Variants in INSR observed in about 807,000 individuals in gnomAD.
The protein encoded by INSR is insulin receptor, also known as IR.
In INSR, 67 loss-of-function variants were observed where a neutral mutation model predicts 142.6. The ratio of observed to expected loss-of-function variants is 0.47; its 90% CI spans 0.39 to 0.58. INSR has a LOEUF of 0.58. Ranked by LOEUF, INSR falls within the 20% of genes least tolerant of loss-of-function variation. The probability of loss-of-function intolerance (pLI) is 0.00; values close to 1 mark genes in which losing one functional copy is unlikely to be tolerated. For synonymous variants in INSR, 756 were observed against 743.1 expected, an observed-to-expected ratio of 1.02 and a Z score of -0.28; for missense variants, 1,248 against 1,833.2, an observed-to-expected ratio of 0.68 and a Z score of 5.83.
At chr19:7,189,734 G>A (rs1020298739) in intron 2 of INSR, among the ~76,000 whole-genome samples, 7 of 148,884 alleles carry the variant, frequency 4.7e-5, no homozygotes, top group East Asian at 2.0e-4. Flanking sequence ...TGCCATCTCC[G>A]CTCACTGTAA....
chr19:7,293,804 A>G lies in INSR; in HGVS notation c.88T>C (p.Tyr30His), dbSNP rs1600141148. 1.5e-6 allele frequency: 2 copies of G among 1,355,624 alleles called. No homozygotes were observed. The highest frequency in any genetic ancestry group is 2.6e-5 in the Admixed American group (1 of 37,940). The allele number at this position is 1,355,624 out of a possible 1,614,324, so 84.0% of individuals were successfully genotyped here. A position where few individuals can be genotyped will look rare whatever the true frequency, so the allele number is the denominator to read the frequency against. Residue 30 changes from tyrosine to histidine, a missense_variant, in exon 1 of 22, where the codon TAC becomes CAC. Transcript: ENST00000302850. ...ALLLGAAGHL[Y>H]PGEVCPGMDI... is the part of the protein sequence containing the mutation. ...CCCCCAGACTCACCCTCTCCGGGGT[A>G]CAGGTGGCCCGCGGCGCCCAGTAGC...
chr19:7,148,477 C>CTTTTTTTTTTTTTTTTT lies in INSR; in HGVS notation c.2267+2003_2267+2019dup, dbSNP rs71177160. 5.3e-5 allele frequency among the ~76,000 whole-genome samples: 5 copies of CTTTTTTTTTTTTTTTTT among 95,046 alleles called. 1 individual carries two copies. Among genetic ancestry groups the CTTTTTTTTTTTTTTTTT allele is most frequent in the Non-Finnish European group, 7.4e-5 (4 of 53,724 alleles). 62.4% of individuals were successfully genotyped at this position (95,046 alleles called of 152,430 possible). A position where few individuals can be genotyped will look rare whatever the true frequency, so the allele number is the denominator to read the frequency against. ...TTATTATTAGTATTATGTATTTATT[C>CTTTTTTTTTTTTTTTTT]TTTTTTTTTTTTTTTTTTGAGACAG... On this transcript the variant is annotated intron_variant, in intron 11 of 21. Coordinates refer to ENST00000302850, the MANE Select transcript of INSR (RefSeq NM_000208.4).
Position 7,125,605 on chromosome 19 carries a change from C to G in INSR, c.3014-78G>C, listed in dbSNP as rs45524339. ...AGCCACCTTCCACCCAAGCCCTCAC[C>G]CAAACCCCCTCGAAAACACTCATGA... On this transcript the variant is annotated intron_variant, in intron 16 of 21. Transcript: ENST00000302850. This position sits in a 1 kb window ranked among gnomAD's most constrained non-coding sequence, Gnocchi z 4.9. 18,100 of 1,584,802 alleles carry G rather than the reference C, an allele frequency of 0.011. 126 individuals are homozygous for G. The highest frequency in any genetic ancestry group is 0.013 in the Non-Finnish European group (15,595 of 1,165,028).
At chr19:7,273,287 A>G (rs1967975306) in intron 1 of INSR, among the ~76,000 whole-genome samples, 3 of 152,174 alleles carry the variant, frequency 2.0e-5, no homozygotes, top group African/African-American at 4.8e-5. Flanking sequence ...CTATTAGTGA[A>G]AGACAATAGA....
chr19:7,138,044 A>C (rs1391910961), intron 13 of INSR, among the ~76,000 whole-genome samples: 2 of 149,844 alleles, frequency 1.3e-5, no homozygotes, highest in African/African-American at 4.9e-5. Flanking sequence ...GCTCACTGCA[A>C]GCTCCACCTC....
intron 9 of INSR, among the ~76,000 whole-genome samples, chr19:7,156,509 C>T (rs1973595973): frequency 6.6e-6 from 1 of 151,974 alleles, no homozygotes; most frequent in South Asian, 2.1e-4. Flanking sequence ...CTGGCTGGGG[C>T]GTCCTCCTGG....
rs573323589 is a variant in INSR at position 7,176,594 on chromosome 19, C to T, written c.975-1863G>A. ...CCAGCCTGGGTGACAGAGTGAGAAT[C>T]TGTCTCAAAACAAACAAACAAAACT... is the stretch of plus-strand genomic sequence containing the variant. On this transcript the variant is annotated intron_variant, in intron 3 of 21. Transcript: ENST00000302850. Among the ~76,000 whole-genome samples the T allele has an allele frequency of 1.6e-4, 24 of 152,244 alleles. No individual in the cohort carries two copies. The South Asian group carries it at 3.5e-3, about 22-fold the overall frequency.
At chr19:7,233,416 C>G (rs1976054400) in intron 2 of INSR, among the ~76,000 whole-genome samples, 1 of 152,194 alleles carries the variant, frequency 6.6e-6, no homozygotes, top group Non-Finnish European at 1.5e-5. Flanking sequence ...TCGTACTATG[C>G]TGTGTGGCCT....
At position 7,249,710 on chromosome 19, in the gene INSR, C is replaced by T. The variant is rs374825289; in HGVS notation, c.652+17635G>A. 1.4e-4 allele frequency among the ~76,000 whole-genome samples: 22 copies of T among 152,074 alleles called. No individual in the cohort carries two copies. The East Asian group carries it at 2.5e-3, about 17-fold the overall frequency. ...AAAAAATAAATTAAAAAAAAATTAG[C>T]GGCTGGGCGCGGTGGCTCACGCCTG... is the stretch of plus-strand genomic sequence containing the variant. On this transcript the variant is annotated intron_variant, in intron 2 of 21. Coordinates refer to ENST00000302850, the MANE Select transcript of INSR (RefSeq NM_000208.4).
In INSR at chr19:7,122,665, G is replaced by A; in HGVS notation, c.3478C>T (p.Leu1160=). The part of the protein sequence containing the change: ...LNAKKFVHRD[L]AARNCMVAHD... Reference sequence around the variant, plus strand: ...GCGACCATGCAGTTTCTCGCTGCCAGGTCCCGATGCACAAACTTCTTGGCG... The same window carrying A: ...GCGACCATGCAGTTTCTCGCTGCCAAGTCCCGATGCACAAACTTCTTGGCG... Residue 1160 remains leucine, a synonymous_variant, in exon 19 of 22, where the codon CTG becomes TTG. Coordinates refer to ENST00000302850, the MANE Select transcript of INSR (RefSeq NM_000208.4). The A allele has an allele frequency of 6.2e-7, 1 of 1,614,180 alleles. No homozygotes were observed. Among genetic ancestry groups the A allele is most frequent in the South Asian group, 1.1e-5 (1 of 91,082 alleles).
chr19:7,186,762 T>C (rs935619742), intron 2 of INSR, among the ~76,000 whole-genome samples: 2 of 152,120 alleles, frequency 1.3e-5, no homozygotes, highest in Non-Finnish European at 2.9e-5. Context: ...TGGGGTGCAG[T>C]GGCGCGATCT....
chr19:7,197,936 TGTGTGTGTGTGTCCCCATGGTGGGA>T (rs1192672043), intron 2 of INSR, among the ~76,000 whole-genome samples: 32 of 138,902 alleles, frequency 2.3e-4, no homozygotes, highest in South Asian at 8.6e-4. Context: ...TGTGTGTGTG[TGTGTGTGTGTGTCCCCATGGTGGGA>T]GTGTGTGTGT....
At chr19:7,142,759 C>G in intron 12 of INSR, 57 bp downstream of exon 12, 1 of 1,599,006 alleles carries the variant, frequency 6.3e-7, no homozygotes, top group Non-Finnish European at 8.6e-7. Context: ...AGAATCTGTC[C>G]TTGGTCAGCC....
intron 2 of INSR, among the ~76,000 whole-genome samples, chr19:7,240,937 G>A (rs1221094086): frequency 6.6e-6 from 1 of 152,086 alleles, no homozygotes; most frequent in Non-Finnish European, 1.5e-5. Flanking sequence ...ATCCCAAGTG[G>A]GAAACACTTC....
chr19:7,144,553 G>A (rs544385175), intron 11 of INSR, among the ~76,000 whole-genome samples: 2 of 151,970 alleles, frequency 1.3e-5, no homozygotes, highest in South Asian at 4.2e-4. Flanking sequence ...ACAGGAGTCC[G>A]CCACCATGCC....
intron 1 of INSR, among the ~76,000 whole-genome samples, chr19:7,280,897 C>G (rs182871271): frequency 6.6e-6 from 1 of 151,674 alleles, no homozygotes; most frequent in East Asian, 1.9e-4. Flanking sequence ...GACTCGATCT[C>G]CAAAAAAAAA....
chr19:7,236,535 G>T lies in INSR; in HGVS notation c.652+30810C>A, dbSNP rs539393324. ...ACGCTATTGATAAATGCAAAACCATGGATGAATCTCAAAACATTACACCAA... is the reference window on the plus strand; with the variant it reads ...ACGCTATTGATAAATGCAAAACCATTGATGAATCTCAAAACATTACACCAA... On this transcript the variant is annotated intron_variant, in intron 2 of 21. Transcript: ENST00000302850. 1.4e-4 allele frequency among the ~76,000 whole-genome samples: 22 copies of T among 152,292 alleles called. 1 individual carries two copies. Among genetic ancestry groups the T allele is most frequent in the Non-Finnish European group, 2.4e-4 (16 of 68,022 alleles).
At chr19:7,196,406 CTAGATA>C (rs1007583069) in intron 2 of INSR, among the ~76,000 whole-genome samples, 18 of 152,142 alleles carry the variant, frequency 1.2e-4, no homozygotes, top group African/African-American at 4.1e-4. Context: ...ATTGATTGAT[CTAGATA>C]TAATCTTGCA....
rs1972231011 is a variant in INSR, at chr19:7,112,482, GC to G, written c.*4573del. ...GCACATTTGATCCTGCGTTGCCAAC[GC>G]ACAGGGCCGAGGCCACCCAGGCACA... On this transcript the variant is annotated 3_prime_UTR_variant, in exon 22 of 22. Coordinates refer to ENST00000302850, the MANE Select transcript of INSR (RefSeq NM_000208.4). 6.6e-6 allele frequency: 1 copy of G among 152,290 alleles called. No individual in the cohort carries two copies. The highest frequency in any genetic ancestry group is 6.5e-5 in the Admixed American group (1 of 15,292). The allele number at this position is 152,290 out of a possible 1,614,324, so 9.4% of individuals were successfully genotyped here.
Sources: allele counts gnomAD v4.1 joint callset (sites outside exome capture counted in the v4.1 genomes callset), GRCh38; gene constraint gnomAD v4.1.1; non-coding constraint Gnocchi (gnomAD v3.1); transcripts MANE v1.5; gene names NCBI Gene and HGNC (gene_info 2026-07-23, HGNC 2026-07-21).